MYDGF: variants seen among roughly 807,000 people sequenced by gnomAD.
MYDGF encodes the protein myeloid-derived growth factor.
Under a neutral mutation model 24.2 loss-of-function variants are expected in MYDGF, and 29 were observed. The observed-to-expected ratio is 1.20, with a 90% confidence interval of 0.89 to 1.63. The LOEUF (loss-of-function observed/expected upper bound fraction) is 1.63. Among genes scored for constraint, MYDGF ranks in the 40% most tolerant of loss-of-function variants. The pLI is 0.00. For missense variants in MYDGF, 245 were observed against 234.8 expected, an observed-to-expected ratio of 1.04 and a Z score of -0.29; for synonymous variants, 105 against 102.5, an observed-to-expected ratio of 1.02 and a Z score of -0.15.
At position 4,659,887 on chromosome 19, in the gene MYDGF, G is replaced by C. The variant is rs375588350; in HGVS notation, c.442+44C>G. 1.6e-5 allele frequency: 26 copies of C among 1,581,292 alleles called. No homozygotes were observed. In the African/African-American group the frequency reaches 2.3e-4, roughly 14 times the overall value. ...AAACTGCCCCGATTGCCCACCCTTG[G>C]ATGGGGGTGGCGTCACCTCTACCCC... On this transcript the variant is annotated intron_variant, in intron 5 of 5. Coordinates refer to ENST00000262947, the MANE Select transcript of MYDGF (RefSeq NM_019107.4).
chr19:4,665,223 G>A (rs1233881649), intron 2 of MYDGF, among the ~76,000 whole-genome samples: 1 of 152,166 alleles, frequency 6.6e-6, no homozygotes, highest in East Asian at 1.9e-4. Context: ...CTGTTTGTTT[G>A]TTTGTTTGTT....
chr19:4,665,820 C>CAAAAA lies in MYDGF; in HGVS notation c.226-888_226-884dup, dbSNP rs533879529. Among the ~76,000 whole-genome samples the CAAAAA allele has an allele frequency of 3.1e-3, 140 of 45,470 alleles. 1 individual carries two copies. The highest frequency in any genetic ancestry group is 0.018 in the Middle Eastern group (1 of 56). 29.8% of individuals were successfully genotyped at this position (45,470 alleles called of 152,430 possible). On this transcript the variant is annotated intron_variant, in intron 2 of 5. Coordinates refer to ENST00000262947, the MANE Select transcript of MYDGF (RefSeq NM_019107.4). ...TGGGCGACAGAGCGAGACTCTGTCT[C>CAAAAA]AAAAAAAAAAAAAAAAAAAAAAAAA...
chr19:4,663,737 C>T (rs1258969459), intron 3 of MYDGF, among the ~76,000 whole-genome samples: 1 of 113,238 alleles, frequency 8.8e-6, no homozygotes, highest in Non-Finnish European at 1.9e-5. Context: ...CCACCCACCC[C>T]ATCCTCATTC....
At chr19:4,669,424 C>G (rs959907773) in intron 1 of MYDGF, among the ~76,000 whole-genome samples, 4 of 152,158 alleles carry the variant, frequency 2.6e-5, no homozygotes, top group African/African-American at 9.7e-5. Flanking sequence ...GCACTCCAGC[C>G]TGGGCGACAG....
At chr19:4,669,224 A>C (rs1256508854) in intron 1 of MYDGF, among the ~76,000 whole-genome samples, 1 of 152,244 alleles carries the variant, frequency 6.6e-6, no homozygotes, top group Non-Finnish European at 1.5e-5. Flanking sequence ...CTGTAATCCC[A>C]TCACTTTGGG....
At chr19:4,660,053 A>G (rs1391599166) in intron 4 of MYDGF, 50 bp from the exon 5 acceptor site, 3 of 1,515,302 alleles carry the variant, frequency 2.0e-6, no homozygotes, top group African/African-American at 2.7e-5. Context: ...AATGCTCATC[A>G]TTAGGAAAAC....
Position 4,670,297 on chromosome 19 carries a change from G to T in MYDGF, c.38C>A (p.Ala13Glu). 6.6e-7 allele frequency: 1 copy of T among 1,507,128 alleles called. No homozygotes were observed. Among genetic ancestry groups the T allele is most frequent in the Non-Finnish European group, 8.9e-7 (1 of 1,127,634 alleles). 93.4% of individuals were successfully genotyped at this position (1,507,128 alleles called of 1,614,324 possible). Residue 13 changes from alanine (A) to glutamate (E), a missense_variant, in exon 1 of 6, where the codon GCG becomes GAG. By Grantham distance (107) the Ala-to-Glu change is moderately radical. Coordinates refer to ENST00000262947, the MANE Select transcript of MYDGF (RefSeq NM_019107.4). Reference sequence around the variant, plus strand: ...TAGGAGCAGCGCGGCCCACAAGCTCGCGCCGACGCCGTTCCACCCTCCGCT... The same window carrying T: ...TAGGAGCAGCGCGGCCCACAAGCTCTCGCCGACGCCGTTCCACCCTCCGCT... ...APSGGWNGVGASLWAALLLGA... is the reference protein window; with the variant it reads ...APSGGWNGVGESLWAALLLGA...
intron 1 of MYDGF, 39 bp downstream of exon 1, chr19:4,670,122 T>A: frequency 1.4e-6 from 2 of 1,380,556 alleles, no homozygotes; most frequent in Middle Eastern, 1.9e-4. Context: ...TCCCCGGGCC[T>A]GCCAGCACTC....
chr19:4,663,464 TCCCCA>T (rs2088491092), intron 3 of MYDGF, among the ~76,000 whole-genome samples: 1 of 25,820 alleles, frequency 3.9e-5, no homozygotes. Context: ...CAATCTACCC[TCCCCA>T]CCCCATCCTC....
At chr19:4,664,970 G>C in intron 2 of MYDGF, 33 bp from the exon 3 acceptor site, 1 of 1,607,252 alleles carries the variant, frequency 6.2e-7, no homozygotes, top group Non-Finnish European at 8.5e-7. Context: ...GTCAGCCCCG[G>C]ACACACAGCT....
At chr19:4,659,777 A>T (rs745583577) in intron 5 of MYDGF, 154 bp downstream of exon 5, 4 of 689,444 alleles carry the variant, frequency 5.8e-6, no homozygotes, top group Non-Finnish European at 1.0e-5. Context: ...AAAGCTGAAG[A>T]TATTGACGAG....
At chr19:4,668,099 T>C (rs1295885881) in intron 2 of MYDGF, among the ~76,000 whole-genome samples, 1 of 152,156 alleles carries the variant, frequency 6.6e-6, no homozygotes, top group African/African-American at 2.4e-5. Context: ...AGCTAATTTT[T>C]GTATTTTTAG....
rs58742129 is a variant in MYDGF at position 4,663,896 on chromosome 19, C to T, written c.287+980G>A. Among the ~76,000 whole-genome samples the T allele has an allele frequency of 3.8e-3, 563 of 150,116 alleles. 6 individuals are homozygous for T. The highest frequency in any genetic ancestry group is 0.013 in the African/African-American group (529 of 40,544). On this transcript the variant is annotated intron_variant, in intron 3 of 5. Coordinates refer to ENST00000262947, the MANE Select transcript of MYDGF (RefSeq NM_019107.4). The stretch of plus-strand genomic sequence containing the variant: ...ACCCCCGACTCCATCCTGGTTGGTG[C>T]CTGGAGGGGCTCCCTGCCTCAGCCT...
chr19:4,661,473 A>G (rs2088470642), intron 3 of MYDGF, among the ~76,000 whole-genome samples: 1 of 152,190 alleles, frequency 6.6e-6, no homozygotes, highest in African/African-American at 2.4e-5. Context: ...TAGGAAGTAC[A>G]GGAGTTAACT....
intron 5 of MYDGF, 89 bp downstream of exon 5, chr19:4,659,842 T>C: frequency 8.5e-7 from 1 of 1,175,252 alleles, no homozygotes; most frequent in Non-Finnish European, 1.3e-6. Flanking sequence ...CCAGGACCCC[T>C]ATGGCTGACC....
chr19:4,668,765 T>C, intron 1 of MYDGF, 120 bp from the exon 2 acceptor site: 1 of 768,450 alleles, frequency 1.3e-6, no homozygotes, highest in Non-Finnish European at 2.2e-6. Flanking sequence ...CACTGCAGCC[T>C]CGAACTCCCA....
In MYDGF at chr19:4,670,235, C is replaced by T. The variant is rs1423149584; in HGVS notation, c.100G>A (p.Glu34Lys). Residue 34 changes from glutamate (E) to lysine (K), a missense_variant, in exon 1 of 6, where the codon GAG (glutamate) becomes AAG (lysine). Coordinates refer to ENST00000262947, the MANE Select transcript of MYDGF (RefSeq NM_019107.4). ...ACGTCAAACGCCACCGTCGTGGGCTCGGACACCGCCTCCGCCGGCCTCAGC... is the reference window on the plus strand; with the variant it reads ...ACGTCAAACGCCACCGTCGTGGGCTTGGACACCGCCTCCGCCGGCCTCAGC... ...VALRPAEAVS[E>K]PTTVAFDVRP... The T allele has an allele frequency of 1.3e-6, 2 of 1,569,594 alleles. No homozygotes were observed. The highest frequency in any genetic ancestry group is 1.7e-6 in the Non-Finnish European group (2 of 1,160,964).
At chr19:4,664,651 C>T (rs867560667) in intron 3 of MYDGF, among the ~76,000 whole-genome samples, 7 of 152,302 alleles carry the variant, frequency 4.6e-5, no homozygotes, top group Middle Eastern at 3.4e-3. Flanking sequence ...CAGGCTCCCC[C>T]CGTCTCCCCC....
At chr19:4,659,897 G>A (rs367548348) in intron 5 of MYDGF, 34 bp downstream of exon 5, 17 of 1,599,410 alleles carry the variant, frequency 1.1e-5, no homozygotes, top group Non-Finnish European at 1.5e-5. Flanking sequence ...GATGGGGGTG[G>A]CGTCACCTCT....
Sources: allele counts gnomAD v4.1 joint callset (sites outside exome capture counted in the v4.1 genomes callset), GRCh38; gene constraint gnomAD v4.1.1; transcripts MANE v1.5; gene names NCBI Gene and HGNC (gene_info 2026-07-23, HGNC 2026-07-21).